Variants in TTC29 observed in about 807,000 individuals in gnomAD.
TTC29 encodes the protein tetratricopeptide repeat protein 29.
A neutral mutation model predicts 58.1 loss-of-function variants in TTC29; 49 were observed. The observed-to-expected ratio is 0.84, with a 90% CI of 0.67 to 1.07. The LOEUF (loss-of-function observed/expected upper bound fraction) is 1.07, where lower values mean the gene tolerates loss of function less well. Among genes scored for constraint, TTC29 ranks in the 50% least tolerant of loss-of-function variants. TTC29 has a pLI of 0.00. For synonymous variants in TTC29, 209 were observed against 196.8 expected (o/e 1.06, Z -0.52); for missense variants, 582 against 555.6 (o/e 1.05, Z -0.48).
chr4:146,894,643 C>T (rs930684233), intron 6 of TTC29, among the ~76,000 whole-genome samples: 2 of 151,816 alleles, frequency 1.3e-5, no homozygotes, highest in Non-Finnish European at 2.9e-5. Context: ...AACTAACCTA[C>T]ACGTTGTGCA....
At chr4:146,915,146 T>C (rs12503154) in intron 4 of TTC29, among the ~76,000 whole-genome samples, 24,024 of 152,092 alleles carry the variant, frequency 0.16, 3,029 homozygotes, top group African/African-American at 0.34. Flanking sequence ...AAGTTATTAA[T>C]AGTAAATGGC....
At chr4:146,751,433 G>A (rs59870291) in intron 11 of TTC29, among the ~76,000 whole-genome samples, 1,705 of 152,194 alleles carry the variant, frequency 0.011, 33 homozygotes, top group African/African-American at 0.039. Flanking sequence ...GACATAAAAC[G>A]TTCTTCAGGA....
At position 146,903,689 on chromosome 4, in the gene TTC29, G is replaced by A. The variant is rs146785289; in HGVS notation, c.441C>T (p.Ala147=). 2 of 1,611,810 alleles carry A rather than the reference G, an allele frequency of 1.2e-6. No homozygotes were observed. Among genetic ancestry groups the A allele is most frequent in the South Asian group, 1.1e-5 (1 of 90,658 alleles). Residue 147 remains alanine, a synonymous_variant, in exon 6 of 13, where the codon GCC becomes GCT. Coordinates refer to ENST00000325106, the MANE Select transcript of TTC29 (RefSeq NM_031956.4). ...TGTCTTCAGAATTATTGAAGTAACA[G>A]GCCAGAGCATACAAGTTATTATGTA... ...EDVHNNLYAL[A]CYFNNSEDKW... is the part of the protein sequence containing the mutation.
intron 11 of TTC29, among the ~76,000 whole-genome samples, chr4:146,787,110 T>A (rs549411217): frequency 6.6e-6 from 1 of 152,172 alleles, no homozygotes; most frequent in South Asian, 2.1e-4. Context: ...TATATTATTT[T>A]CATGTAAATG....
In TTC29 at chr4:146,909,098, G is replaced by T; in HGVS notation, c.328C>A (p.Leu110Met). 1 of 1,613,854 alleles carries T rather than the reference G, an allele frequency of 6.2e-7. No homozygotes were observed. The highest frequency in any genetic ancestry group is 1.7e-4 in the Middle Eastern group (1 of 6,060). Residue 110 changes from leucine (L) to methionine (M), a missense_variant, in exon 5 of 13, where the codon CTG becomes ATG. Coordinates refer to ENST00000325106, the MANE Select transcript of TTC29 (RefSeq NM_031956.4). Reference protein sequence around the residue: ...VRSLFWLQKPLEEQPDKLDYL... With the variant: ...VRSLFWLQKPMEEQPDKLDYL... ...TCCAGTTTATCAGGCTGCTCCTCCA[G>T]GGGCTTCTGCAGCCAGAAGAGGGAC...
intron 2 of TTC29, among the ~76,000 whole-genome samples, chr4:146,941,312 C>T (rs1440630436): frequency 6.6e-6 from 1 of 152,146 alleles, no homozygotes; most frequent in Non-Finnish European, 1.5e-5. Flanking sequence ...AGCATTACTA[C>T]CTGTGTGACC....
At chr4:146,841,199 G>T (rs1728830586) in intron 8 of TTC29, among the ~76,000 whole-genome samples, 1 of 152,070 alleles carries the variant, frequency 6.6e-6, no homozygotes, top group African/African-American at 2.4e-5. Context: ...AACATGTTTG[G>T]TGAAATTTGC....
At chr4:146,760,589 A>G (rs1746809039) in intron 11 of TTC29, among the ~76,000 whole-genome samples, 1 of 151,902 alleles carries the variant, frequency 6.6e-6, no homozygotes. Flanking sequence ...AGAAATAGGC[A>G]TATAGACCAA....
intron 6 of TTC29, among the ~76,000 whole-genome samples, chr4:146,880,046 A>G (rs1227717723): frequency 6.6e-6 from 1 of 152,168 alleles, no homozygotes; most frequent in African/African-American, 2.4e-5. Context: ...TATACCAAGC[A>G]AAAGTCCAGA....
intron 4 of TTC29, among the ~76,000 whole-genome samples, chr4:146,925,139 T>A (rs1579995243): frequency 6.6e-6 from 1 of 152,076 alleles, no homozygotes; most frequent in East Asian, 1.9e-4. Flanking sequence ...ATAATCTACT[T>A]TGATAAATCC....
In TTC29 at chr4:146,945,697, G is replaced by C. The variant is rs921555175; in HGVS notation, c.-54+12C>G. 1 of 152,440 alleles carries C rather than the reference G, an allele frequency of 6.6e-6. No homozygotes were observed. Among genetic ancestry groups the C allele is most frequent in the African/African-American group, 2.4e-5 (1 of 41,464 alleles). 9.4% of individuals were successfully genotyped at this position (152,440 alleles called of 1,614,324 possible). A position where few individuals can be genotyped will look rare whatever the true frequency, so the allele number is the denominator to read the frequency against. ...GAAGTCCGGTCCCAACCTCGCCCCT[G>C]CCGTCACGAACCTCGGTGCACTGGC... On this transcript the variant is annotated intron_variant, in intron 1 of 12. Transcript: ENST00000325106.
At chr4:146,874,565 A>T in intron 7 of TTC29, 151 bp downstream of exon 7, 1 of 675,848 alleles carries the variant, frequency 1.5e-6, no homozygotes. Context: ...CCTTCGTTTT[A>T]CAGTGAAATT....
chr4:146,905,910 C>T (rs923016066), intron 5 of TTC29, among the ~76,000 whole-genome samples: 2 of 152,118 alleles, frequency 1.3e-5, no homozygotes. Flanking sequence ...TTTTGCTTTA[C>T]ATCAAATCTG....
intron 8 of TTC29, among the ~76,000 whole-genome samples, chr4:146,839,429 A>G (rs1198522349): frequency 1.3e-5 from 2 of 152,000 alleles, no homozygotes; most frequent in African/African-American, 4.8e-5. Flanking sequence ...TTATACAGGA[A>G]TCCAAATGTC....
At chr4:146,899,499 C>T (rs1732996147) in intron 6 of TTC29, among the ~76,000 whole-genome samples, 1 of 152,180 alleles carries the variant, frequency 6.6e-6, no homozygotes, top group Non-Finnish European at 1.5e-5. Flanking sequence ...CAACTCCAAA[C>T]CAGCCACCCC....
chr4:146,730,298 T>C (rs1744229788), intron 11 of TTC29, among the ~76,000 whole-genome samples: 2 of 152,150 alleles, frequency 1.3e-5, no homozygotes, highest in East Asian at 3.9e-4. Flanking sequence ...CCTAAGTGAT[T>C]AACTTGGGTG....
intron 9 of TTC29, among the ~76,000 whole-genome samples, chr4:146,829,941 C>T (rs757520610): frequency 2.0e-5 from 3 of 152,078 alleles, no homozygotes; most frequent in Non-Finnish European, 2.9e-5. Flanking sequence ...AACTACACTT[C>T]AGTAAATGAG....
rs1733710582 is a variant in TTC29, at chr4:146,909,014, C to T, written c.400+12G>A. ...GCTCCTTCTGTGCTCTGCCCACAGT[C>T]CCACCACTTACCTTTCCTCTCAGCG... On this transcript the variant is annotated intron_variant, in intron 5 of 12. Coordinates refer to ENST00000325106, the MANE Select transcript of TTC29 (RefSeq NM_031956.4). 1 of 1,611,592 alleles carries T rather than the reference C, an allele frequency of 6.2e-7. No individual in the cohort carries two copies. The highest frequency in any genetic ancestry group is 8.5e-7 in the Non-Finnish European group (1 of 1,178,306).
intron 9 of TTC29, among the ~76,000 whole-genome samples, chr4:146,821,588 A>G (rs1284141780): frequency 6.6e-6 from 1 of 152,222 alleles, no homozygotes; most frequent in Non-Finnish European, 1.5e-5. Flanking sequence ...AATTTCTAGC[A>G]GAGAATTTGG....
Sources: allele counts gnomAD v4.1 joint callset (sites outside exome capture counted in the v4.1 genomes callset), GRCh38; gene constraint gnomAD v4.1.1; transcripts MANE v1.5; gene names NCBI Gene and HGNC (gene_info 2026-07-23, HGNC 2026-07-21).